The following FSIP2 variants were observed in gnomAD, a reference collection of about 807,000 sequenced individuals.
FSIP2 encodes the protein fibrous sheath-interacting protein 2.
In FSIP2, 367 loss-of-function variants were observed where a neutral mutation model predicts 510.5. The ratio of observed to expected loss-of-function variants is 0.72; its 90% CI spans 0.66 to 0.78. The LOEUF is 0.78. Ranked by LOEUF, FSIP2 falls within the 30% of genes least tolerant of loss-of-function variation. FSIP2 has a pLI of 0.00. For missense variants in FSIP2, 7,594 were observed against 7,901.7 expected (o/e 0.96, Z 1.48); for synonymous variants, 2,601 against 2,732.2 (o/e 0.95, Z 1.50).
At position 185,790,228 on chromosome 2, in the gene FSIP2, T is replaced by C; in HGVS notation, c.3092T>C (p.Ile1031Thr). ...GAAAAAGTAAAATCACAAGAACAGA[T>C]TCCTAATCATTGGTTTACAAAGGGA... Reference protein sequence around the residue: ...KDEKVKSQEQIPNHWFTKGNT... With the variant: ...KDEKVKSQEQTPNHWFTKGNT... Residue 1031 changes from isoleucine (I) to threonine (T), a missense_variant, in exon 16 of 23, where the codon ATT becomes ACT. By Grantham distance (89) the Ile-to-Thr change is moderately conservative (BLOSUM62 -1). Transcript: ENST00000424728. 1 of 1,532,274 alleles carries C rather than the reference T, an allele frequency of 6.5e-7. No homozygotes were observed. The highest frequency in any genetic ancestry group is 2.0e-5 in the Admixed American group (1 of 50,530). The allele number at this position is 1,532,274 out of a possible 1,614,324, so 94.9% of individuals were successfully genotyped here.
chr2:185,790,004 A>C lies in FSIP2; in HGVS notation c.2868A>C (p.Lys956Asn), dbSNP rs1170194245. The C allele has an allele frequency of 1.4e-5, 22 of 1,534,026 alleles. No individual in the cohort carries two copies. The highest frequency in any genetic ancestry group is 1.8e-5 in the Non-Finnish European group (21 of 1,145,640). ...AACCAGTAAATGAAAGTTTTCAAAA[A>C]AGTAGGCAACCTAGAATAAGTAGTC... ...HQEPVNESFQ[K>N]SRQPRISSPS... Residue 956 changes from lysine to asparagine, a missense_variant, in exon 16 of 23, where the codon AAA (lysine) becomes AAC (asparagine). Coordinates refer to ENST00000424728, the MANE Select transcript of FSIP2 (RefSeq NM_173651.4).
At position 185,739,184 on chromosome 2, in the gene FSIP2, C is replaced by T. The variant is rs558522813; in HGVS notation, c.100-162C>T. ...GGCCGCAACTGGCAGGCGCGGGACG[C>T]CAGGAGAGCTGGTGACCAGGGAAAA... is the stretch of plus-strand genomic sequence containing the variant. On this transcript the variant is annotated intron_variant, in intron 1 of 22. Transcript: ENST00000424728. 9.8e-6 allele frequency: 11 copies of T among 1,122,810 alleles called. No individual in the cohort carries two copies. The East Asian group carries it at 3.0e-4, about 30-fold the overall frequency. 69.6% of individuals were successfully genotyped at this position (1,122,810 alleles called of 1,614,324 possible). A position where few individuals can be genotyped will look rare whatever the true frequency, so the allele number is the denominator to read the frequency against.
At position 185,795,426 on chromosome 2, in the gene FSIP2, C is replaced by A. The variant is rs201794247; in HGVS notation, c.8290C>A (p.Pro2764Thr). Residue 2764 changes from proline to threonine, a missense_variant, in exon 16 of 23, where the codon CCA becomes ACA. Coordinates refer to ENST00000424728, the MANE Select transcript of FSIP2 (RefSeq NM_173651.4). Reference protein sequence around the residue: ...FGKVKQTKALPSDQIIAAGKI... With the variant: ...FGKVKQTKALTSDQIIAAGKI... ...AAAGGTAAAGCAAACCAAAGCTTTA[C>A]CATCTGATCAAATCATAGCAGCAGG... The A allele has an allele frequency of 1.6e-3, 2,507 of 1,534,688 alleles. 4 individuals are homozygous for A. The highest frequency in any genetic ancestry group is 2.0e-3 in the Non-Finnish European group (2,263 of 1,145,964).
chr2:185,809,688 C>T (rs1693684441), intron 17 of FSIP2, among the ~76,000 whole-genome samples: 1 of 152,024 alleles, frequency 6.6e-6, no homozygotes, highest in African/African-American at 2.4e-5. Context: ...ATTATATTAG[C>T]CTTTCCCATT....
chr2:185,764,746 T>C (rs565947121), intron 13 of FSIP2, 181 bp downstream of exon 13: 1 of 528,760 alleles, frequency 1.9e-6, no homozygotes, highest in African/African-American at 1.9e-5. Flanking sequence ...TGGCCCAATA[T>C]GATAAGAGCA....
chr2:185,793,054 A>G lies in FSIP2; in HGVS notation c.5918A>G (p.Asp1973Gly). The change falls in exon 16 of 23, where the codon GAT becomes GGT. Residue 1973 changes from aspartate (D) to glycine (G), a missense_variant. Asp to Gly is a moderately conservative substitution (Grantham distance 94). Coordinates refer to ENST00000424728, the MANE Select transcript of FSIP2 (RefSeq NM_173651.4). ...KALSAKDSYS[D>G]EQFSCCSVDH... ...TTATCAGCCAAAGATTCATATTCTGATGAGCAATTTTCCTGTTGCTCAGTA... is the reference window on the plus strand; with the variant it reads ...TTATCAGCCAAAGATTCATATTCTGGTGAGCAATTTTCCTGTTGCTCAGTA... 6.5e-7 allele frequency: 1 copy of G among 1,534,310 alleles called. No homozygotes were observed. Among genetic ancestry groups the G allele is most frequent in the Non-Finnish European group, 8.7e-7 (1 of 1,145,638 alleles).
In FSIP2 at chr2:185,795,536, A is replaced by T. The variant is rs1350285585; in HGVS notation, c.8400A>T (p.Arg2800Ser). The change falls in exon 16 of 23, where the codon AGA becomes AGT. Residue 2800 changes from arginine to serine, a missense_variant. Coordinates refer to ENST00000424728, the MANE Select transcript of FSIP2 (RefSeq NM_173651.4). ...ACCCGATGAAATCCTCACATCTCAG[A>T]CTTTCACAGGGGAATATAGGCACAG... Reference protein sequence around the residue: ...LAYPMKSSHLRLSQGNIGTGS... With the variant: ...LAYPMKSSHLSLSQGNIGTGS... 1 of 1,534,830 alleles carries T rather than the reference A, an allele frequency of 6.5e-7. No individual in the cohort carries two copies. The highest frequency in any genetic ancestry group is 1.4e-5 in the African/African-American group (1 of 73,040).
At position 185,788,764 on chromosome 2, in the gene FSIP2, AC is replaced by A; in HGVS notation, c.1631del (p.Pro544GlnfsTer44). On this transcript the variant is annotated frameshift_variant, in exon 16 of 23. Transcript: ENST00000424728. LOFTEE classifies it high-confidence loss of function. ...KYEKRLQNNT[Y>X]PVSDDSILSS... The stretch of plus-strand genomic sequence containing the variant: ...GAAAAAAGATTGCAAAATAATACAT[AC>A]CCAGTATCTGATGACTCCATCCTCT... 1 of 1,534,410 alleles carries A rather than the reference AC, an allele frequency of 6.5e-7. No homozygotes were observed. The highest frequency in any genetic ancestry group is 8.7e-7 in the Non-Finnish European group (1 of 1,145,686).
At position 185,739,359 on chromosome 2, in the gene FSIP2, C is replaced by G; in HGVS notation, c.113C>G (p.Thr38Ser). ...TQQCRDGVHK[T>S]HFAGVGPAQL... ...TGTGTCTGACAGGGCGTGCACAAAA[C>G]CCACTTTGCAGGGGTTGGACCGGCT... The change falls in exon 2 of 23, where the codon ACC (threonine) becomes AGC (serine). Residue 38 changes from threonine (T) to serine (S), a missense_variant. Coordinates refer to ENST00000424728, the MANE Select transcript of FSIP2 (RefSeq NM_173651.4). 6.5e-7 allele frequency: 1 copy of G among 1,531,146 alleles called. No individual in the cohort carries two copies. Among genetic ancestry groups the G allele is most frequent in the Non-Finnish European group, 8.7e-7 (1 of 1,145,314 alleles). 94.8% of individuals were successfully genotyped at this position (1,531,146 alleles called of 1,614,324 possible).
chr2:185,787,217 A>T (rs572704848), intron 15 of FSIP2, among the ~76,000 whole-genome samples: 1 of 119,494 alleles, frequency 8.4e-6, no homozygotes, highest in Admixed American at 8.2e-5. Context: ...TATTTAAGAC[A>T]TGTATTTTAC....
At chr2:185,823,264 G>A (rs1477946179) in intron 19 of FSIP2, among the ~76,000 whole-genome samples, 3 of 151,738 alleles carry the variant, frequency 2.0e-5, no homozygotes, top group Non-Finnish European at 2.9e-5. Context: ...CATCAACAAA[G>A]TGAAAAGTCA....
intron 10 of FSIP2, 89 bp downstream of exon 10, chr2:185,761,192 T>C: frequency 2.1e-6 from 1 of 474,466 alleles, no homozygotes; most frequent in Non-Finnish European, 3.6e-6. Context: ...TTCAGCAGCA[T>C]AGTACTGATT....
chr2:185,831,783 C>T (rs1470628499), intron 21 of FSIP2, 30 bp from the exon 22 acceptor site: 1 of 1,483,678 alleles, frequency 6.7e-7, no homozygotes, highest in African/African-American at 1.4e-5. Flanking sequence ...CAGTGAAAGA[C>T]TCAGTTTGTA....
intron 14 of FSIP2, 29 bp downstream of exon 14, chr2:185,782,791 A>ATAAC (rs781199912): frequency 1.3e-5 from 15 of 1,152,524 alleles, no homozygotes; most frequent in Non-Finnish European, 1.9e-5. Context: ...ATATATAATC[A>ATAAC]TAACTAATTT....
Position 185,745,556 on chromosome 2 carries a change from T to C in FSIP2, c.605T>C (p.Leu202Pro). ...GTESIKDQER[L>P]MRHRYLDMIS... ...GAATCTATTAAGGACCAGGAGCGGC[T>C]GATGAGGCATAGGTAAGATTAAAGT... The change falls in exon 5 of 23, where the codon CTG (leucine) becomes CCG (proline). Residue 202 changes from leucine (L) to proline (P), a missense_variant. Coordinates refer to ENST00000424728, the MANE Select transcript of FSIP2 (RefSeq NM_173651.4). 6.5e-7 allele frequency: 1 copy of C among 1,534,102 alleles called. No individual in the cohort carries two copies.
chr2:185,768,947 CA>C (rs1308608091), intron 13 of FSIP2, among the ~76,000 whole-genome samples: 2 of 152,158 alleles, frequency 1.3e-5, no homozygotes, highest in Non-Finnish European at 2.9e-5. Flanking sequence ...CATGTTCCTG[CA>C]AAGGACATGA....
intron 12 of FSIP2, 58 bp from the exon 13 acceptor site, chr2:185,764,444 T>C: frequency 1.0e-6 from 1 of 961,814 alleles, no homozygotes; most frequent in Non-Finnish European, 1.6e-6. Context: ...TAGTTGATGT[T>C]TGAGTCCTAA....
At chr2:185,760,943 TAA>T (rs10547921) in intron 9 of FSIP2, 43 bp from the exon 10 acceptor site, 109,637 of 617,532 alleles carry the variant, frequency 0.18, 4,530 homozygotes, top group Admixed American at 0.21. Flanking sequence ...CTAAAGCTGT[TAA>T]AAAAAAAAAA....
At chr2:185,776,155 C>G (rs1287585673) in intron 13 of FSIP2, among the ~76,000 whole-genome samples, 1 of 152,052 alleles carries the variant, frequency 6.6e-6, no homozygotes, top group Non-Finnish European at 1.5e-5. Flanking sequence ...ACTGTGGTCC[C>G]AGCTACTTGG....
Sources: allele counts gnomAD v4.1 joint callset (sites outside exome capture counted in the v4.1 genomes callset), GRCh38; gene constraint gnomAD v4.1.1; transcripts MANE v1.5; gene names NCBI Gene and HGNC (gene_info 2026-07-23, HGNC 2026-07-21).